Variants in FOXN2 observed in about 807,000 individuals in gnomAD.
The protein encoded by FOXN2 is forkhead box N2.
FOXN2 carries 19 observed loss-of-function variants against 41.2 expected under a neutral mutation model. That is an observed-to-expected ratio of 0.46 (90% confidence interval 0.32 to 0.68). FOXN2 has a LOEUF of 0.68. FOXN2 is among the 30% of genes least tolerant of loss of function. The pLI, the probability that FOXN2 is intolerant of heterozygous loss-of-function variation, is 0.03. For synonymous variants in FOXN2, 195 were observed against 176.8 expected, an observed-to-expected ratio of 1.10 and a Z score of -0.82; for missense variants, 587 against 509.4, an observed-to-expected ratio of 1.15 and a Z score of -1.47.
At chr2:48,362,262 A>T (rs1313504829) in intron 4 of FOXN2, among the ~76,000 whole-genome samples, 1 of 152,210 alleles carries the variant, frequency 6.6e-6, no homozygotes, top group Non-Finnish European at 1.5e-5. Flanking sequence ...ATTTGTGACT[A>T]AGTTCTATAA....
rs1462953903 is a variant in FOXN2 at position 48,376,132 on chromosome 2, T to C, written c.*689T>C. On this transcript the variant is annotated 3_prime_UTR_variant, in exon 7 of 7. Coordinates refer to ENST00000340553, the MANE Select transcript of FOXN2 (RefSeq NM_002158.4). ...ATTAGAATGGTAGCTTTGAAGTGTT[T>C]TTACTTCAGAGATCCTGCATAGCAT... is the stretch of plus-strand genomic sequence containing the variant. 6.6e-6 allele frequency: 1 copy of C among 152,148 alleles called. No individual in the cohort carries two copies. The highest frequency in any genetic ancestry group is 1.9e-4 in the East Asian group (1 of 5,200). The allele number at this position is 152,148 out of a possible 1,614,324, so 9.4% of individuals were successfully genotyped here.
chr2:48,339,531 C>T (rs1338043653), intron 2 of FOXN2, among the ~76,000 whole-genome samples: 1 of 152,204 alleles, frequency 6.6e-6, no homozygotes, highest in Non-Finnish European at 1.5e-5. Context: ...GCCAATTAAA[C>T]CTCTTTCCAT....
chr2:48,332,576 G>A (rs1222660514), intron 2 of FOXN2, among the ~76,000 whole-genome samples: 1 of 152,144 alleles, frequency 6.6e-6, no homozygotes. Flanking sequence ...CTTAACACTA[G>A]ACAAATATGT....
At chr2:48,318,227 A>G (rs1030193211) in intron 1 of FOXN2, among the ~76,000 whole-genome samples, 1 of 152,190 alleles carries the variant, frequency 6.6e-6, no homozygotes, top group African/African-American at 2.4e-5. Flanking sequence ...TATTAACTAC[A>G]TACTTTATTC....
At chr2:48,367,312 C>G (rs1200810309) in intron 5 of FOXN2, among the ~76,000 whole-genome samples, 1 of 152,002 alleles carries the variant, frequency 6.6e-6, no homozygotes, top group East Asian at 1.9e-4. Context: ...AAAAAGCAGA[C>G]AAAAATGGAA....
intron 3 of FOXN2, among the ~76,000 whole-genome samples, chr2:48,352,703 TC>T (rs1671528217): frequency 6.6e-6 from 1 of 152,180 alleles, no homozygotes; most frequent in Admixed American, 6.5e-5. Context: ...GAAATCTGAG[TC>T]ATCTTGGGTA....
chr2:48,351,500 G>T (rs566124723), intron 3 of FOXN2, among the ~76,000 whole-genome samples: 1 of 152,182 alleles, frequency 6.6e-6, no homozygotes, highest in Admixed American at 6.5e-5. Context: ...AACTTTTGAC[G>T]CTAGGGACTG....
intron 5 of FOXN2, among the ~76,000 whole-genome samples, chr2:48,367,075 G>A (rs1209737753): frequency 6.6e-6 from 1 of 152,132 alleles, no homozygotes; most frequent in Non-Finnish European, 1.5e-5. Context: ...GCCTAAACAG[G>A]TGCAGCAGTG....
At chr2:48,323,954 G>A (rs575869515) in intron 1 of FOXN2, among the ~76,000 whole-genome samples, 2 of 152,048 alleles carry the variant, frequency 1.3e-5, no homozygotes, top group African/African-American at 4.8e-5. Context: ...ATCCAATTTA[G>A]TAGTGCTTTT....
intron 3 of FOXN2, among the ~76,000 whole-genome samples, chr2:48,352,616 G>C (rs947594934): frequency 2.0e-5 from 3 of 152,148 alleles, no homozygotes; most frequent in African/African-American, 7.2e-5. Flanking sequence ...TAGATCTGGA[G>C]GTATCTCAAA....
At chr2:48,325,842 T>TTC (rs1179144430) in intron 1 of FOXN2, among the ~76,000 whole-genome samples, 11 of 146,480 alleles carry the variant, frequency 7.5e-5, no homozygotes, top group African/African-American at 2.8e-4. Context: ...CCCTCAAGAT[T>TTC]TCTTTTTTTT....
At chr2:48,362,358 G>C (rs1010660930) in intron 4 of FOXN2, among the ~76,000 whole-genome samples, 15 of 152,144 alleles carry the variant, frequency 9.9e-5, no homozygotes, top group African/African-American at 3.6e-4. Flanking sequence ...TTGAGCCCAG[G>C]AGTTTGAGAC....
At chr2:48,356,451 G>A (rs1400298766) in intron 3 of FOXN2, among the ~76,000 whole-genome samples, 2 of 151,708 alleles carry the variant, frequency 1.3e-5, no homozygotes, top group African/African-American at 4.8e-5. Context: ...AAAAAAAAAA[G>A]TTAATATCCA....
At chr2:48,327,052 G>A (rs11676168) in intron 1 of FOXN2, among the ~76,000 whole-genome samples, 66,250 of 151,696 alleles carry the variant, frequency 0.44, 14,721 homozygotes, top group East Asian at 0.52. Flanking sequence ...GATTTCAGAG[G>A]TATTTCAGAT....
In FOXN2 at chr2:48,325,229, CCTT is replaced by C. The variant is rs140135860; in HGVS notation, c.-156-3329_-156-3327del. On this transcript the variant is annotated intron_variant, in intron 1 of 6. Coordinates refer to ENST00000340553, the MANE Select transcript of FOXN2 (RefSeq NM_002158.4). ...TCCAGTTTGGAGCACACCGTTTAAT[CCTT>C]CTCTATGTGTGTTTCTGCATATAAA... Among the ~76,000 whole-genome samples the C allele has an allele frequency of 7.4e-3, 1,134 of 152,216 alleles. 21 individuals are homozygous for C. The highest frequency in any genetic ancestry group is 0.026 in the African/African-American group (1,078 of 41,514).
At chr2:48,333,074 A>G (rs1558616838) in intron 2 of FOXN2, among the ~76,000 whole-genome samples, 1 of 152,118 alleles carries the variant, frequency 6.6e-6, no homozygotes, top group East Asian at 1.9e-4. Context: ...TCTGCCCAAT[A>G]TCTCCTAGTG....
intron 3 of FOXN2, among the ~76,000 whole-genome samples, chr2:48,350,383 G>A (rs889452276): frequency 6.6e-6 from 1 of 152,212 alleles, no homozygotes; most frequent in Non-Finnish European, 1.5e-5. Flanking sequence ...CAGATTTTCT[G>A]CCTTTCTTCT....
intron 2 of FOXN2, chr2:48,340,755 A>C (rs1229026187): frequency 6.6e-6 from 1 of 152,194 alleles, no homozygotes; most frequent in Non-Finnish European, 1.5e-5. Flanking sequence ...GGGTATTGGG[A>C]AAAGTTTCCA....
chr2:48,325,895 C>G (rs1669640399), intron 1 of FOXN2, among the ~76,000 whole-genome samples: 1 of 141,208 alleles, frequency 7.1e-6, no homozygotes, highest in African/African-American at 2.7e-5. Context: ...GTCGCCCAGG[C>G]TGGAGTGCAG....
Sources: gnomAD v4.1 joint callset for allele counts (sites outside exome capture counted in the v4.1 genomes callset) on GRCh38, gnomAD v4.1.1 for gene constraint, MANE v1.5 for transcripts, NCBI Gene and HGNC (gene_info 2026-07-23, HGNC 2026-07-21) for gene names.